The following MTHFD2L variants were observed in gnomAD, a reference collection of about 807,000 sequenced individuals.
MTHFD2L encodes the protein bifunctional methylenetetrahydrofolate dehydrogenase/cyclohydrolase 2, mitochondrial.
Under a neutral mutation model 34.9 loss-of-function variants are expected in MTHFD2L, and 29 were observed. That is an observed-to-expected ratio of 0.83 (90% CI 0.62 to 1.13). The LOEUF (loss-of-function observed/expected upper bound fraction) is 1.13, where lower values mean the gene tolerates loss of function less well. MTHFD2L is among the 50% of genes most tolerant of loss of function. The probability of loss-of-function intolerance (pLI) is 0.00; values close to 1 mark genes in which losing one functional copy is unlikely to be tolerated. For synonymous variants in MTHFD2L, 167 were observed against 155.7 expected, an observed-to-expected ratio of 1.07 and a Z score of -0.54; for missense variants, 481 against 446.5, an observed-to-expected ratio of 1.08 and a Z score of -0.70.
chr4:74,153,515 C>T (rs1417723451), upstream of MTHFD2L, among the ~76,000 whole-genome samples: 1 of 152,160 alleles, frequency 6.6e-6, no homozygotes, highest in Non-Finnish European at 1.5e-5. Context: ...AATTTTTAAT[C>T]ATCCCTGATT....
intron 7 of MTHFD2L, among the ~76,000 whole-genome samples, chr4:74,290,127 C>T (rs992850235): frequency 1.3e-5 from 2 of 152,214 alleles, no homozygotes; most frequent in Non-Finnish European, 2.9e-5. Context: ...CTCCACCAGG[C>T]AGGAAATCTC....
At chr4:74,180,625 T>C in intron 3 of MTHFD2L, 1 of 382,162 alleles carries the variant, frequency 2.6e-6, no homozygotes. Flanking sequence ...AGAAATGAGA[T>C]AGAATTCTGT....
At chr4:74,172,279 A>C (rs1004751349) in intron 1 of MTHFD2L, among the ~76,000 whole-genome samples, 1 of 152,202 alleles carries the variant, frequency 6.6e-6, no homozygotes, top group Non-Finnish European at 1.5e-5. Context: ...ATGGTTTCTC[A>C]GGTATATACA....
intron 6 of MTHFD2L, among the ~76,000 whole-genome samples, chr4:74,233,507 C>T (rs1475230929): frequency 6.6e-6 from 1 of 151,710 alleles, no homozygotes; most frequent in Non-Finnish European, 1.5e-5. Flanking sequence ...AAGGTAGTTT[C>T]CCTTCCCTTC....
At chr4:74,287,460 T>C (rs919153052) in intron 7 of MTHFD2L, among the ~76,000 whole-genome samples, 17 of 152,062 alleles carry the variant, frequency 1.1e-4, no homozygotes, top group Non-Finnish European at 4.4e-5. Context: ...CAAGATAATT[T>C]GGCTAGCCAG....
At chr4:74,200,927 CATT>C (rs1209252355) in intron 4 of MTHFD2L, among the ~76,000 whole-genome samples, 1 of 152,116 alleles carries the variant, frequency 6.6e-6, no homozygotes, top group African/African-American at 2.4e-5. Context: ...TTAAGTTCGA[CATT>C]GTTGTACTTT....
intron 1 of MTHFD2L, among the ~76,000 whole-genome samples, chr4:74,131,392 G>T (rs573613116): frequency 6.6e-6 from 1 of 152,208 alleles, no homozygotes; most frequent in East Asian, 1.9e-4. Flanking sequence ...TAGATATACA[G>T]ACCAATGGAA....
chr4:74,299,145 A>T (rs1383570973), intron 7 of MTHFD2L, among the ~76,000 whole-genome samples: 2 of 151,966 alleles, frequency 1.3e-5, no homozygotes, highest in Non-Finnish European at 1.5e-5. Context: ...ATAATTTTAT[A>T]CCCACAATAG....
chr4:74,195,274 A>G (rs1039526207), intron 3 of MTHFD2L: 4 of 152,224 alleles, frequency 2.6e-5, no homozygotes, highest in Admixed American at 6.5e-5. Context: ...AGGTAATAAC[A>G]TTGCAGGGTT....
At chr4:74,175,743 C>T (rs73824406) in intron 3 of MTHFD2L, among the ~76,000 whole-genome samples, 7,422 of 151,966 alleles carry the variant, frequency 0.049, 566 homozygotes, top group African/African-American at 0.17. Flanking sequence ...AACTTCTTAT[C>T]CAAGCATTGA....
chr4:74,242,265 A>G (rs1304279798), intron 6 of MTHFD2L: 5 of 152,278 alleles, frequency 3.3e-5, no homozygotes, highest in Admixed American at 1.3e-4. Context: ...TCTTTTCTGT[A>G]TGATTAAATA....
intron 5 of MTHFD2L, among the ~76,000 whole-genome samples, chr4:74,220,263 C>G (rs953442293): frequency 6.6e-6 from 1 of 151,796 alleles, no homozygotes; most frequent in Non-Finnish European, 1.5e-5. Flanking sequence ...AATATATACT[C>G]AACATTCTTG....
chr4:74,251,970 T>C (rs1371407905), intron 6 of MTHFD2L, among the ~76,000 whole-genome samples: 1 of 152,188 alleles, frequency 6.6e-6, no homozygotes, highest in Non-Finnish European at 1.5e-5. Context: ...GCTGTGAAGC[T>C]AGTCCACAGG....
chr4:74,186,109 C>G (rs1297013276), intron 3 of MTHFD2L, among the ~76,000 whole-genome samples: 1 of 151,894 alleles, frequency 6.6e-6, no homozygotes, highest in Non-Finnish European at 1.5e-5. Context: ...ACCATATTAA[C>G]AAGCTAAAAA....
At chr4:74,264,035 A>T (rs1745002832) in intron 6 of MTHFD2L, among the ~76,000 whole-genome samples, 1 of 152,110 alleles carries the variant, frequency 6.6e-6, no homozygotes, top group Non-Finnish European at 1.5e-5. Context: ...ATTATCAGCA[A>T]ACTGGGAATA....
In MTHFD2L at chr4:74,300,068, G is replaced by A. The variant is rs1750104860; in HGVS notation, c.932-1629G>A. On this transcript the variant is annotated intron_variant, in intron 7 of 7. Transcript: ENST00000325278. ...AAAATTCATAGCTGTTTATTGAATG[G>A]CTATTGACCCATTCTAATGTTTCTA... 2.0e-5 allele frequency among the ~76,000 whole-genome samples: 3 copies of A among 152,006 alleles called. No homozygotes were observed. The South Asian group carries it at 6.2e-4, about 31-fold the overall frequency.
chr4:74,242,009 AG>A (rs1431312108), intron 6 of MTHFD2L: 1 of 152,852 alleles, frequency 6.5e-6, no homozygotes, highest in Non-Finnish European at 1.5e-5. Flanking sequence ...AGGCAACATG[AG>A]GGACCCTTTT....
At chr4:74,202,888 A>T in intron 5 of MTHFD2L, among the ~76,000 whole-genome samples, 1 of 152,156 alleles carries the variant, frequency 6.6e-6, no homozygotes, top group Non-Finnish European at 1.5e-5. Flanking sequence ...GCACACATGC[A>T]TGCACACACA....
At chr4:74,139,689 T>C (rs932376939) in intron 1 of MTHFD2L, among the ~76,000 whole-genome samples, 3 of 152,218 alleles carry the variant, frequency 2.0e-5, no homozygotes, top group Non-Finnish European at 4.4e-5. Context: ...ACCTGGGAAC[T>C]AACTCATTCT....
Sources: allele counts gnomAD v4.1 joint callset (sites outside exome capture counted in the v4.1 genomes callset), GRCh38; gene constraint gnomAD v4.1.1; transcripts MANE v1.5; gene names NCBI Gene and HGNC (gene_info 2026-07-23, HGNC 2026-07-21).